Variants in ADGRB3 observed in about 807,000 individuals in gnomAD.
ADGRB3 encodes adhesion G protein-coupled receptor B3.
A neutral mutation model predicts 193.4 loss-of-function variants in ADGRB3; 37 were observed. The ratio of observed to expected loss-of-function variants is 0.19; its 90% CI spans 0.15 to 0.25. The LOEUF (loss-of-function observed/expected upper bound fraction) is 0.25, where lower values mean the gene tolerates loss of function less well. Among genes scored for constraint, ADGRB3 ranks in the 10% least tolerant of loss-of-function variants. The pLI, the probability that ADGRB3 is intolerant of heterozygous loss-of-function variation, is 1.00. For missense variants in ADGRB3, 1,637 were observed against 1,852.9 expected, an observed-to-expected ratio of 0.88 and a Z score of 2.14; for synonymous variants, 690 against 644.2, an observed-to-expected ratio of 1.07 and a Z score of -1.08.
At chr6:69,249,517 C>T (rs1227448300) in intron 20 of ADGRB3, among the ~76,000 whole-genome samples, 1 of 152,140 alleles carries the variant, frequency 6.6e-6, no homozygotes, top group Non-Finnish European at 1.5e-5. Flanking sequence ...TGTTAAAGCC[C>T]TTATTAGAGA....
chr6:68,901,393 C>T (rs979960328), intron 3 of ADGRB3, among the ~76,000 whole-genome samples: 31 of 152,120 alleles, frequency 2.0e-4, no homozygotes, highest in Admixed American at 7.2e-4. Flanking sequence ...TTAGAGAGAA[C>T]ATTCAAGTCA....
intron 3 of ADGRB3, among the ~76,000 whole-genome samples, chr6:68,815,327 G>A (rs1011140509): frequency 1.3e-5 from 2 of 152,058 alleles, no homozygotes; most frequent in African/African-American, 2.4e-5. Context: ...GCCTTATTTA[G>A]TTTTGAATTC....
At chr6:69,085,232 G>A (rs1053183190) in intron 17 of ADGRB3, among the ~76,000 whole-genome samples, 2 of 152,040 alleles carry the variant, frequency 1.3e-5, no homozygotes, top group Non-Finnish European at 2.9e-5. Flanking sequence ...GGTTTTGAAA[G>A]TATTTACTTA....
chr6:68,831,311 A>G (rs916241763), intron 3 of ADGRB3, among the ~76,000 whole-genome samples: 8 of 151,400 alleles, frequency 5.3e-5, no homozygotes, highest in African/African-American at 1.9e-4. Flanking sequence ...ATTAAAAAAA[A>G]AAAAAAAAAA....
At chr6:68,682,657 C>T (rs1304276303) in intron 3 of ADGRB3, among the ~76,000 whole-genome samples, 2 of 152,006 alleles carry the variant, frequency 1.3e-5, no homozygotes, top group Admixed American at 6.6e-5. Context: ...AGGAAGGGAC[C>T]ATAATGAAAT....
intron 13 of ADGRB3, among the ~76,000 whole-genome samples, chr6:69,020,824 C>T (rs531232276): frequency 2.6e-5 from 4 of 152,036 alleles, no homozygotes; most frequent in East Asian, 3.9e-4. Flanking sequence ...GAGGGTTATG[C>T]GCCATAGTAT....
intron 13 of ADGRB3, among the ~76,000 whole-genome samples, chr6:69,031,123 CTCTCTG>C (rs1770668768): frequency 8.0e-6 from 1 of 125,116 alleles, no homozygotes; most frequent in African/African-American, 3.1e-5. Flanking sequence ...TCTCTCTCTT[CTCTCTG>C]TCTCTCTCTC....
intron 3 of ADGRB3, among the ~76,000 whole-genome samples, chr6:68,766,172 T>C (rs114388411): frequency 7.9e-5 from 12 of 152,170 alleles, no homozygotes; most frequent in African/African-American, 2.9e-4. Flanking sequence ...TTCATTTATT[T>C]ATGTATTTCT....
At chr6:68,828,716 A>T (rs781620140) in intron 3 of ADGRB3, among the ~76,000 whole-genome samples, 5 of 152,160 alleles carry the variant, frequency 3.3e-5, no homozygotes, top group South Asian at 2.1e-4. Flanking sequence ...ACTAATTAAA[A>T]CCTAGGAACA....
chr6:68,688,572 G>A lies in ADGRB3; in HGVS notation c.757+49140G>A, dbSNP rs368323969. Among the ~76,000 whole-genome samples the A allele has an allele frequency of 1.8e-4, 28 of 152,218 alleles. No homozygotes were observed. In the East Asian group the frequency reaches 2.1e-3, roughly 12 times the overall value. ...GCCATTGTTTAGCCACTCAGTAGGA[G>A]GGGAGAATGTAACAGGGATAACGTT... On this transcript the variant is annotated intron_variant, in intron 3 of 31. Coordinates refer to ENST00000370598, the MANE Select transcript of ADGRB3 (RefSeq NM_001704.3).
At chr6:68,955,822 TATAAA>T (rs910733615) in intron 6 of ADGRB3, among the ~76,000 whole-genome samples, 197 bp from the exon 7 acceptor site, 6 of 151,926 alleles carry the variant, frequency 3.9e-5, no homozygotes, top group Non-Finnish European at 7.4e-5. Context: ...ATGCTGGATA[TATAAA>T]ATAAAATAAA....
At chr6:69,256,129 G>A (rs1361488702) in intron 20 of ADGRB3, among the ~76,000 whole-genome samples, 2 of 151,440 alleles carry the variant, frequency 1.3e-5, no homozygotes, top group Non-Finnish European at 1.5e-5. Context: ...TTTGAAGTCA[G>A]GTAGCGTGAT....
chr6:68,925,103 G>T (rs1204137406), intron 3 of ADGRB3, among the ~76,000 whole-genome samples: 1 of 151,800 alleles, frequency 6.6e-6, no homozygotes, highest in Non-Finnish European at 1.5e-5. Flanking sequence ...ATAAACTCCA[G>T]TCTTTTCTCC....
chr6:68,791,139 T>G (rs999393597), intron 3 of ADGRB3, among the ~76,000 whole-genome samples: 2 of 152,142 alleles, frequency 1.3e-5, no homozygotes, highest in Non-Finnish European at 2.9e-5. Flanking sequence ...GTCTTTACCT[T>G]CTGAGTTTCC....
intron 3 of ADGRB3, among the ~76,000 whole-genome samples, chr6:68,640,596 G>C (rs1170547974): frequency 6.6e-6 from 1 of 152,178 alleles, no homozygotes; most frequent in African/African-American, 2.4e-5. Flanking sequence ...TGTGGAAAGG[G>C]ACAGCCAAAC....
intron 3 of ADGRB3, among the ~76,000 whole-genome samples, chr6:68,819,087 A>G (rs1767692455): frequency 6.6e-6 from 1 of 152,090 alleles, no homozygotes; most frequent in African/African-American, 2.4e-5. Flanking sequence ...AGCCTTTAGT[A>G]TATAAATACA....
chr6:68,762,666 A>C (rs970043836), intron 3 of ADGRB3, among the ~76,000 whole-genome samples: 2 of 152,178 alleles, frequency 1.3e-5, no homozygotes, highest in Non-Finnish European at 2.9e-5. Flanking sequence ...TACGATACTT[A>C]AGGTCAAGTA....
chr6:68,713,141 G>C (rs1765433119), intron 3 of ADGRB3, among the ~76,000 whole-genome samples: 1 of 151,748 alleles, frequency 6.6e-6, no homozygotes, highest in Non-Finnish European at 1.5e-5. Flanking sequence ...TCTAATTAGG[G>C]ATACCATATG....
At chr6:68,845,528 C>T (rs778800807) in intron 3 of ADGRB3, among the ~76,000 whole-genome samples, 2 of 152,116 alleles carry the variant, frequency 1.3e-5, no homozygotes, top group African/African-American at 2.4e-5. Context: ...CCAGAATTCC[C>T]ACGTGTTGTG....
Sources: gnomAD v4.1 joint callset for allele counts (sites outside exome capture counted in the v4.1 genomes callset) on GRCh38, gnomAD v4.1.1 for gene constraint, MANE v1.5 for transcripts, NCBI Gene and HGNC (gene_info 2026-07-23, HGNC 2026-07-21) for gene names.